GRID2: variants seen among roughly 807,000 people sequenced by gnomAD.
GRID2 encodes glutamate receptor ionotropic, delta-2.
Under a neutral mutation model 114.8 loss-of-function variants are expected in GRID2, and 33 were observed. The ratio of observed to expected loss-of-function variants is 0.29; its 90% CI spans 0.22 to 0.38. GRID2 has a LOEUF of 0.38. Among genes scored for constraint, GRID2 ranks in the 10% least tolerant of loss-of-function variants. The pLI is 1.00. For missense variants in GRID2, 1,184 were observed against 1,257.7 expected (o/e 0.94, Z 0.89); for synonymous variants, 505 against 449.9 (o/e 1.12, Z -1.55).
At chr4:92,554,474 T>A (rs1560708173) in intron 1 of GRID2, among the ~76,000 whole-genome samples, 1 of 152,206 alleles carries the variant, frequency 6.6e-6, no homozygotes, top group Admixed American at 6.5e-5. Flanking sequence ...AACAATTTGA[T>A]AAGTTCTCAT....
chr4:92,750,977 TATTA>T (rs1165640359), intron 2 of GRID2, among the ~76,000 whole-genome samples: 47 of 152,292 alleles, frequency 3.1e-4, no homozygotes, highest in African/African-American at 1.0e-3. Context: ...GTTCACAAAA[TATTA>T]ATTATAAGAA....
chr4:92,325,856 A>T (rs1400224287), intron 1 of GRID2, among the ~76,000 whole-genome samples: 1 of 151,724 alleles, frequency 6.6e-6, no homozygotes, highest in African/African-American at 2.4e-5. Context: ...CTGATTTTTA[A>T]TGTTCATGTT....
intron 2 of GRID2, among the ~76,000 whole-genome samples, chr4:92,857,747 C>A (rs2149431056): frequency 6.6e-6 from 1 of 152,084 alleles, no homozygotes; most frequent in East Asian, 1.9e-4. Context: ...GTGGATATAC[C>A]CAACAACAGA....
chr4:92,544,701 A>G (rs530129620), intron 1 of GRID2, among the ~76,000 whole-genome samples: 27 of 152,236 alleles, frequency 1.8e-4, no homozygotes, highest in African/African-American at 6.3e-4. Flanking sequence ...TAACTCACTG[A>G]CATTTCAGTT....
intron 2 of GRID2, among the ~76,000 whole-genome samples, chr4:92,604,861 G>T (rs1238639619): frequency 6.6e-6 from 1 of 151,966 alleles, no homozygotes. Flanking sequence ...ATCTCATTTT[G>T]AATTTTAATC....
chr4:93,614,011 G>A (rs1049227236), intron 13 of GRID2, among the ~76,000 whole-genome samples: 7 of 151,908 alleles, frequency 4.6e-5, no homozygotes, highest in Admixed American at 2.6e-4. Flanking sequence ...ATATAGTCTC[G>A]TGGTGCGCCG....
intron 8 of GRID2, among the ~76,000 whole-genome samples, chr4:93,313,004 C>T (rs925848189): frequency 1.3e-5 from 2 of 152,086 alleles, no homozygotes; most frequent in African/African-American, 4.8e-5. Flanking sequence ...AAAGAAATTG[C>T]AGCAGGATAT....
chr4:93,446,131 TG>T (rs1019142962), intron 10 of GRID2, among the ~76,000 whole-genome samples: 2 of 152,028 alleles, frequency 1.3e-5, no homozygotes, highest in Non-Finnish European at 2.9e-5. Flanking sequence ...GCCAAGTTGC[TG>T]TTGTGACTCA....
At chr4:92,324,830 T>C (rs958931841) in intron 1 of GRID2, among the ~76,000 whole-genome samples, 5 of 151,978 alleles carry the variant, frequency 3.3e-5, no homozygotes, top group Non-Finnish European at 5.9e-5. Context: ...TTTGTAATTA[T>C]GTTAAAAAGA....
intron 12 of GRID2, among the ~76,000 whole-genome samples, chr4:93,494,701 GA>G (rs922113136): frequency 1.3e-4 from 20 of 151,292 alleles, no homozygotes; most frequent in Middle Eastern, 3.4e-3. Context: ...TTCTTAAAGG[GA>G]AAAAAAATGC....
At chr4:92,467,693 A>T (rs1721825006) in intron 1 of GRID2, among the ~76,000 whole-genome samples, 1 of 151,998 alleles carries the variant, frequency 6.6e-6, no homozygotes, top group Non-Finnish European at 1.5e-5. Flanking sequence ...TTCTTCCTCC[A>T]AATTAAGGTG....
At chr4:92,330,026 A>AGAGAGAG (rs1553924493) in intron 1 of GRID2, among the ~76,000 whole-genome samples, 6 of 150,458 alleles carry the variant, frequency 4.0e-5, no homozygotes, top group South Asian at 2.1e-4. Flanking sequence ...AGAGAGAGAG[A>AGAGAGAG]AACATGCTAG....
chr4:93,727,343 A>G (rs560277340), intron 14 of GRID2, among the ~76,000 whole-genome samples: 3 of 152,216 alleles, frequency 2.0e-5, no homozygotes, highest in East Asian at 3.9e-4. Context: ...AGCCCACTTG[A>G]TCATGGTGGA....
chr4:92,607,473 G>A (rs142401577), intron 2 of GRID2, among the ~76,000 whole-genome samples: 297 of 151,880 alleles, frequency 2.0e-3, no homozygotes, highest in African/African-American at 6.8e-3. Context: ...GTTACTGGGG[G>A]TGGGGAAGAA....
intron 2 of GRID2, among the ~76,000 whole-genome samples, chr4:92,592,616 G>T (rs1327824798): frequency 6.6e-6 from 1 of 152,002 alleles, no homozygotes; most frequent in Non-Finnish European, 1.5e-5. Context: ...AGACCACTAG[G>T]TATTTGTCAA....
At chr4:93,651,888 C>A (rs1357533019) in intron 14 of GRID2, among the ~76,000 whole-genome samples, 1 of 152,088 alleles carries the variant, frequency 6.6e-6, no homozygotes, top group African/African-American at 2.4e-5. Context: ...CTCTTGCTCT[C>A]TAGAAGGAAA....
At chr4:92,411,655 G>GTGTGTGTGTATATATATATATATATA in intron 1 of GRID2, among the ~76,000 whole-genome samples, 33 of 84,674 alleles carry the variant, frequency 3.9e-4, no homozygotes, top group Admixed American at 9.3e-4. Flanking sequence ...GTGTGTGTGT[G>GTGTGTGTGTATATATATATATATATA]TATATATATA....
At chr4:93,004,654 T>A (rs1290622837) in intron 2 of GRID2, among the ~76,000 whole-genome samples, 1 of 151,948 alleles carries the variant, frequency 6.6e-6, no homozygotes, top group African/African-American at 2.4e-5. Context: ...TTCTAATGAG[T>A]GTCACATCTT....
rs139096037 is a variant in GRID2 at position 93,248,508 on chromosome 4, C to G, written c.1245+10018C>G. Among the ~76,000 whole-genome samples, 4 of 152,200 alleles carry G rather than the reference C, an allele frequency of 2.6e-5. No individual in the cohort carries two copies. The East Asian group carries it at 7.8e-4, about 30-fold the overall frequency. On this transcript the variant is annotated intron_variant, in intron 8 of 15. Coordinates refer to ENST00000282020, the MANE Select transcript of GRID2 (RefSeq NM_001510.4). ...TTCTGTTGAACCAAAATTCCAGGGGCTTTTCATTACACCTCAAATTTTCTG... is the reference window on the plus strand; with the variant it reads ...TTCTGTTGAACCAAAATTCCAGGGGGTTTTCATTACACCTCAAATTTTCTG...
Sources: gnomAD v4.1 joint callset for allele counts (sites outside exome capture counted in the v4.1 genomes callset) on GRCh38, gnomAD v4.1.1 for gene constraint, MANE v1.5 for transcripts, NCBI Gene and HGNC (gene_info 2026-07-23, HGNC 2026-07-21) for gene names.